AQP8: variants seen among roughly 807,000 people sequenced by gnomAD.
The protein encoded by AQP8 is aquaporin-8.
In AQP8, 14 loss-of-function variants were observed where a neutral mutation model predicts 26.1. The ratio of observed to expected loss-of-function variants is 0.54; its 90% CI spans 0.35 to 0.84. The LOEUF is 0.84. Among genes scored for constraint, AQP8 ranks in the 40% least tolerant of loss-of-function variants. The probability of loss-of-function intolerance (pLI) is 0.01; values close to 1 mark genes in which losing one functional copy is unlikely to be tolerated. For synonymous variants in AQP8, 131 were observed against 150.7 expected (o/e 0.87, Z 0.96); for missense variants, 301 against 340.5 (o/e 0.88, Z 0.91).
rs535139616 is a variant in AQP8 at position 25,217,536 on chromosome 16, C to T, written c.260+91C>T. 42 of 1,520,800 alleles carry T rather than the reference C, an allele frequency of 2.8e-5. 1 individual carries two copies. The East Asian group carries it at 4.1e-4, about 15-fold the overall frequency. The allele number at this position is 1,520,800 out of a possible 1,614,324, so 94.2% of individuals were successfully genotyped here. On this transcript the variant is annotated intron_variant, in intron 2 of 5. Transcript: ENST00000219660. ...GTTGTCAAGGACCCCTGGGCGCATACGTATTCGGGATTTCAAGGAGCGCTC... is the reference window on the plus strand; with the variant it reads ...GTTGTCAAGGACCCCTGGGCGCATATGTATTCGGGATTTCAAGGAGCGCTC...
chr16:25,224,647 T>C, intron 4 of AQP8, 71 bp downstream of exon 4: 1 of 1,475,884 alleles, frequency 6.8e-7, no homozygotes, highest in Admixed American at 1.9e-5. Flanking sequence ...ATTTCAGGCC[T>C]GAGGGTCACA....
chr16:25,223,984 AC>A (rs998199948), intron 3 of AQP8, among the ~76,000 whole-genome samples: 4 of 151,640 alleles, frequency 2.6e-5, no homozygotes, highest in African/African-American at 9.7e-5. Context: ...CTGCCACTTC[AC>A]CCCGCTAATT....
chr16:25,224,158 G>A (rs1043153859), intron 3 of AQP8, among the ~76,000 whole-genome samples: 1 of 152,184 alleles, frequency 6.6e-6, no homozygotes, highest in Non-Finnish European at 1.5e-5. Flanking sequence ...ACAAAGTGAG[G>A]CTCAGAAAGG....
rs1962649029 is a variant in AQP8 at position 25,227,284 on chromosome 16, G to C, written c.737+82G>C. 8 of 1,572,232 alleles carry C rather than the reference G, an allele frequency of 5.1e-6. No individual in the cohort carries two copies. In the South Asian group the frequency reaches 7.9e-5, roughly 16 times the overall value. On this transcript the variant is annotated intron_variant, in intron 5 of 5. Transcript: ENST00000219660. ...CAGAGAGTCCGGGACTAGAGGGCTA[G>C]GCTCTCACTTGGGTTTGGAAGAGAA...
In AQP8 at chr16:25,221,588, G is replaced by C; in HGVS notation, c.387+5G>C. On this transcript the variant is annotated splice_donor_5th_base_variant and intron_variant, in intron 3 of 5. Coordinates refer to ENST00000219660, the MANE Select transcript of AQP8 (RefSeq NM_001169.3). ...CTCGGGGCTGCCTTGGCCAAGGTGG[G>C]TAAACCCCAGGGGCTGGGCTAGTCT... 6.2e-7 allele frequency: 1 copy of C among 1,614,006 alleles called. No homozygotes were observed. The highest frequency in any genetic ancestry group is 1.1e-5 in the South Asian group (1 of 91,076).
rs944030066 is a variant in AQP8 at position 25,227,291 on chromosome 16, A to G, written c.737+89A>G. The G allele has an allele frequency of 3.2e-6, 5 of 1,554,106 alleles. No homozygotes were observed. In the African/African-American group the frequency reaches 5.5e-5, roughly 17 times the overall value. On this transcript the variant is annotated intron_variant, in intron 5 of 5. Transcript: ENST00000219660. ...TCCGGGACTAGAGGGCTAGGCTCTC[A>G]CTTGGGTTTGGAAGAGAAAAGAGGG...
At chr16:25,224,875 C>T (rs779894804) in intron 4 of AQP8, among the ~76,000 whole-genome samples, 19 of 152,166 alleles carry the variant, frequency 1.2e-4, no homozygotes, top group Admixed American at 3.9e-4. Flanking sequence ...ATGTTGGTAG[C>T]GTAAATACAA....
In AQP8 at chr16:25,222,170, A is replaced by G. The variant is rs138564984; in HGVS notation, c.387+587A>G. ...AGGCTCGACCTCCTGGGCTCAAGTG[A>G]TCCTCCTGCCTCAGCCTCTTGAGTA... is the stretch of plus-strand genomic sequence containing the variant. On this transcript the variant is annotated intron_variant, in intron 3 of 5. Transcript: ENST00000219660. 6.3e-3 allele frequency among the ~76,000 whole-genome samples: 952 copies of G among 152,056 alleles called. 34 individuals carry two copies. The highest frequency in any genetic ancestry group is 0.049 in the Admixed American group (746 of 15,270).
intron 2 of AQP8, 71 bp from the exon 3 acceptor site, chr16:25,221,386 C>T (rs1962559920): frequency 6.3e-7 from 1 of 1,577,684 alleles, no homozygotes; most frequent in Non-Finnish European, 8.7e-7. Flanking sequence ...TTGGCTGGGA[C>T]ACACTGTCTC....
Position 25,224,569 on chromosome 16 carries a change from C to T in AQP8, c.595C>T (p.Leu199=), listed in dbSNP as rs1213756944. 5.0e-6 allele frequency: 8 copies of T among 1,610,504 alleles called. No individual in the cohort carries two copies. The highest frequency in any genetic ancestry group is 6.8e-6 in the Non-Finnish European group (8 of 1,179,860). Residue 199 remains leucine, a synonymous_variant, in exon 4 of 6, where the codon CTG becomes TTG. Transcript: ENST00000219660. ...CGGCTTTGCCGTCACCGTGGATATCCTGGCTGGGTGAGTGTCCCTTGGCAG... is the reference window on the plus strand; with the variant it reads ...CGGCTTTGCCGTCACCGTGGATATCTTGGCTGGGTGAGTGTCCCTTGGCAG... ...SIGFAVTVDI[L]AGGPVSGGCM... is the part of the protein sequence containing the mutation.
chr16:25,220,293 G>A (rs1325163032), intron 2 of AQP8, among the ~76,000 whole-genome samples: 1 of 152,154 alleles, frequency 6.6e-6, no homozygotes, highest in East Asian at 1.9e-4. Flanking sequence ...AGTGACATGG[G>A]GAGTCTTGGG....
At chr16:25,217,770 C>G (rs977590639) in intron 2 of AQP8, among the ~76,000 whole-genome samples, 4 of 152,216 alleles carry the variant, frequency 2.6e-5, no homozygotes, top group Non-Finnish European at 4.4e-5. Flanking sequence ...TCAAGCGATC[C>G]TCCTGCCTTG....
At chr16:25,227,424 C>T (rs1199598261) in intron 5 of AQP8, among the ~76,000 whole-genome samples, 2 of 152,204 alleles carry the variant, frequency 1.3e-5, no homozygotes, top group African/African-American at 4.8e-5. Context: ...CATTGGCTCA[C>T]ATCATCAAAA....
Position 25,217,069 on chromosome 16 carries a change from G to T in AQP8, c.12+12G>T, listed in dbSNP as rs1265843099. On this transcript the variant is annotated intron_variant, in intron 1 of 5. Coordinates refer to ENST00000219660, the MANE Select transcript of AQP8 (RefSeq NM_001169.3). ...TGATGTCTGGAGAGGTGAGCCCTCT[G>T]TCGGCATCTTCCTCTCCAGGCTGGC... is the stretch of plus-strand genomic sequence containing the variant. The T allele has an allele frequency of 6.2e-7, 1 of 1,613,868 alleles. No homozygotes were observed. Among genetic ancestry groups the T allele is most frequent in the Non-Finnish European group, 8.5e-7 (1 of 1,180,042 alleles).
intron 4 of AQP8, among the ~76,000 whole-genome samples, chr16:25,225,511 A>G (rs1456309005): frequency 2.0e-5 from 3 of 146,620 alleles, no homozygotes; most frequent in African/African-American, 5.1e-5. Flanking sequence ...GGTTCACGCC[A>G]TTGTCCTGCC....
At chr16:25,224,282 A>G (rs1015363142) in intron 3 of AQP8, 80 bp from the exon 4 acceptor site, 37 of 1,326,126 alleles carry the variant, frequency 2.8e-5, no homozygotes, top group Non-Finnish European at 3.4e-5. Flanking sequence ...GGTGGGTAGC[A>G]TGCGTTTTTT....
chr16:25,221,088 C>G (rs73551033), intron 2 of AQP8, among the ~76,000 whole-genome samples: 5,300 of 152,104 alleles, frequency 0.035, 115 homozygotes, highest in African/African-American at 0.05. Flanking sequence ...GCCTGGATAC[C>G]GCTCTTGGGC....
At position 25,221,453 on chromosome 16, in the gene AQP8, A is replaced by G; in HGVS notation, c.261-4A>G. ...ATGACTTCCTCTGCTCTTGTGGGTT[A>G]CAGTGGTGGACACTTCAACCCTGCG... On this transcript the variant is annotated splice_polypyrimidine_tract_variant and splice_region_variant and intron_variant, in intron 2 of 5. Coordinates refer to ENST00000219660, the MANE Select transcript of AQP8 (RefSeq NM_001169.3). The G allele has an allele frequency of 6.2e-7, 1 of 1,613,978 alleles. No homozygotes were observed. Among genetic ancestry groups the G allele is most frequent in the South Asian group, 1.1e-5 (1 of 91,076 alleles).
intron 4 of AQP8, among the ~76,000 whole-genome samples, chr16:25,226,115 A>T (rs1962629532): frequency 6.6e-6 from 1 of 152,146 alleles, no homozygotes; most frequent in Non-Finnish European, 1.5e-5. Context: ...GTAGGTGTAT[A>T]TATTTCTGGG....
Sources: allele counts gnomAD v4.1 joint callset (sites outside exome capture counted in the v4.1 genomes callset), GRCh38; gene constraint gnomAD v4.1.1; transcripts MANE v1.5; gene names NCBI Gene and HGNC (gene_info 2026-07-23, HGNC 2026-07-21).